Variants in VPS13D observed in about 807,000 individuals in gnomAD.
VPS13D encodes vacuolar protein sorting 13 homolog D, also known as intermembrane lipid transfer protein VPS13D.
VPS13D carries 187 observed loss-of-function variants against 461.9 expected under a neutral mutation model. The ratio of observed to expected loss-of-function variants is 0.40; its 90% CI spans 0.36 to 0.46. VPS13D has a LOEUF of 0.46. Ranked by LOEUF, VPS13D falls within the 20% of genes least tolerant of loss-of-function variation. The probability of loss-of-function intolerance (pLI) is 0.60; values close to 1 mark genes in which losing one functional copy is unlikely to be tolerated. For missense variants in VPS13D, 4,711 were observed against 5,364.9 expected, an observed-to-expected ratio of 0.88 and a Z score of 3.81; for synonymous variants, 1,951 against 1,986.3, an observed-to-expected ratio of 0.98 and a Z score of 0.47.
At chr1:12,275,757 TATTAC>T in intron 18 of VPS13D, 63 bp from the exon 19 acceptor site, 1 of 1,470,444 alleles carries the variant, frequency 6.8e-7, no homozygotes, top group Non-Finnish European at 9.1e-7. Context: ...CTTTCATAAT[TATTAC>T]ATTAAGGGAA....
intron 67 of VPS13D, among the ~76,000 whole-genome samples, chr1:12,471,929 A>C (rs930378942): frequency 1.3e-5 from 2 of 152,120 alleles, no homozygotes; most frequent in African/African-American, 4.8e-5. Flanking sequence ...AAGAAAAAAA[A>C]AATTTTATGT....
At chr1:12,394,730 G>C (rs1225722419) in intron 60 of VPS13D, among the ~76,000 whole-genome samples, 1 of 151,996 alleles carries the variant, frequency 6.6e-6, no homozygotes, top group Non-Finnish European at 1.5e-5. Flanking sequence ...ATCCCTTCCT[G>C]TACGTTAAAC....
intron 55 of VPS13D, among the ~76,000 whole-genome samples, chr1:12,375,405 A>G (rs1644184739): frequency 6.6e-6 from 1 of 152,262 alleles, no homozygotes; most frequent in Non-Finnish European, 1.5e-5. Context: ...GTACATATTT[A>G]TTTCTATGTC....
chr1:12,282,646 C>T, intron 20 of VPS13D, 59 bp from the exon 21 acceptor site: 1 of 1,465,834 alleles, frequency 6.8e-7, no homozygotes, highest in Non-Finnish European at 9.3e-7. Flanking sequence ...CATTTATGGG[C>T]ATTACATCTA....
rs1641890912 is a variant in VPS13D at position 12,284,035 on chromosome 1, C to G, written c.5634+299C>G. Among the ~76,000 whole-genome samples the G allele has an allele frequency of 3.3e-5, 5 of 152,178 alleles. No individual in the cohort carries two copies. In the South Asian group the frequency reaches 1.0e-3, roughly 32 times the overall value. On this transcript the variant is annotated intron_variant, in intron 21 of 69. Transcript: ENST00000620676. ...CCGTAGTTTCCTCATCTTCCATCATCTAAGATGACTAAATGAGGTGATGTG... is the reference window on the plus strand; with the variant it reads ...CCGTAGTTTCCTCATCTTCCATCATGTAAGATGACTAAATGAGGTGATGTG...
intron 50 of VPS13D, among the ~76,000 whole-genome samples, chr1:12,361,547 C>T (rs1029431072): frequency 6.6e-6 from 1 of 150,734 alleles, no homozygotes; most frequent in African/African-American, 2.4e-5. Context: ...AGGCGCCCGC[C>T]ACTACGCCCG....
At chr1:12,418,731 G>A (rs1248523045) in intron 65 of VPS13D, among the ~76,000 whole-genome samples, 1 of 152,204 alleles carries the variant, frequency 6.6e-6, no homozygotes, top group African/African-American at 2.4e-5. Flanking sequence ...GTATTTGCAT[G>A]GAGACTTGAG....
intron 35 of VPS13D, among the ~76,000 whole-genome samples, chr1:12,324,297 A>T (rs1643122425): frequency 6.6e-6 from 1 of 152,222 alleles, no homozygotes; most frequent in Non-Finnish European, 1.5e-5. Context: ...GCCTGAGGTC[A>T]GGAGTTCAAG....
chr1:12,333,557 T>C (rs566274301), intron 38 of VPS13D, among the ~76,000 whole-genome samples, 191 bp downstream of exon 38: 7 of 152,252 alleles, frequency 4.6e-5, no homozygotes, highest in Non-Finnish European at 5.9e-5. Flanking sequence ...TGGCATCCCA[T>C]AATGATGCTA....
chr1:12,325,378 G>A (rs1260445624), intron 35 of VPS13D, among the ~76,000 whole-genome samples: 1 of 152,112 alleles, frequency 6.6e-6, no homozygotes, highest in Admixed American at 6.5e-5. Context: ...TCCTGCCTCA[G>A]CCTTCTGAGT....
chr1:12,253,467 G>A (rs1369702403), intron 6 of VPS13D, among the ~76,000 whole-genome samples: 2 of 152,112 alleles, frequency 1.3e-5, no homozygotes, highest in African/African-American at 4.8e-5. Flanking sequence ...ACGTTTTCTT[G>A]TTTGCTCATA....
At position 12,277,733 on chromosome 1, in the gene VPS13D, A is replaced by C; in HGVS notation, c.4145A>C (p.Glu1382Ala). Residue 1382 changes from glutamate (E) to alanine (A), a missense_variant, in exon 19 of 70, where the codon GAA becomes GCA. By Grantham distance (107) the Glu-to-Ala change is moderately radical (BLOSUM62 -1). This residue lies in a region of VPS13D where 4,411 missense variants were observed against 4,937.8 expected (regional missense o/e 0.89). Transcript: ENST00000620676. The stretch of plus-strand genomic sequence containing the variant: ...AAGCTAATCTTGAACATAAACATTG[A>C]ATCACCAGTTGTTTCTATCCCTCGG... ...TVKLILNINIESPVVSIPRKP... is the reference protein window; with the variant it reads ...TVKLILNINIASPVVSIPRKP... The C allele has an allele frequency of 6.2e-7, 1 of 1,614,192 alleles. No homozygotes were observed. Among genetic ancestry groups the C allele is most frequent in the Non-Finnish European group, 8.5e-7 (1 of 1,180,030 alleles).
At chr1:12,298,525 A>G (rs1468278104) in intron 24 of VPS13D, among the ~76,000 whole-genome samples, 2 of 152,036 alleles carry the variant, frequency 1.3e-5, no homozygotes. Flanking sequence ...CCGTAATCCC[A>G]GCTACTCGGG....
intron 59 of VPS13D, among the ~76,000 whole-genome samples, chr1:12,385,984 G>A (rs777787807): frequency 3.9e-5 from 6 of 152,032 alleles, no homozygotes; most frequent in South Asian, 4.2e-4. Flanking sequence ...TGGGGTGAAG[G>A]GTATGCCTAG....
At chr1:12,346,787 C>A in intron 44 of VPS13D, 135 bp downstream of exon 44, 1 of 844,658 alleles carries the variant, frequency 1.2e-6, no homozygotes, top group Non-Finnish European at 1.7e-6. Flanking sequence ...CTGCCCTTTT[C>A]TATTAATGAT....
At chr1:12,388,986 G>A (rs1644387273) in intron 60 of VPS13D, among the ~76,000 whole-genome samples, 1 of 152,142 alleles carries the variant, frequency 6.6e-6, no homozygotes. Context: ...GAACTAAAAG[G>A]ATATGTATAT....
Position 12,473,892 on chromosome 1 carries a change from C to A in VPS13D, c.12662+13496C>A, listed in dbSNP as rs1259958362. On this transcript the variant is annotated intron_variant, in intron 67 of 69. Transcript: ENST00000620676. The surrounding 1 kb of genome is among the most constrained non-coding windows in gnomAD (Gnocchi z 4.2). Reference sequence around the variant, plus strand: ...GGTTGAGTTGCTGGGTGGAGGGACTCTCCTGGGCTCTGAGCCTTTGTGTGT... The same window carrying A: ...GGTTGAGTTGCTGGGTGGAGGGACTATCCTGGGCTCTGAGCCTTTGTGTGT... 6.6e-6 allele frequency among the ~76,000 whole-genome samples: 1 copy of A among 152,178 alleles called. No individual in the cohort carries two copies. The highest frequency in any genetic ancestry group is 1.9e-4 in the East Asian group (1 of 5,190).
chr1:12,386,631 C>T (rs183024803), intron 60 of VPS13D, among the ~76,000 whole-genome samples: 207 of 152,246 alleles, frequency 1.4e-3, no homozygotes, highest in Non-Finnish European at 2.3e-3. Flanking sequence ...AACCATCATT[C>T]GGAGGGATTG....
In VPS13D at chr1:12,333,334, G is replaced by C; in HGVS notation, c.8396G>C (p.Arg2799Pro). The change falls in exon 38 of 70, where the codon CGT (arginine) becomes CCT (proline). Residue 2799 changes from arginine (R) to proline (P), a missense_variant. This residue lies in a region of VPS13D where 4,411 missense variants were observed against 4,937.8 expected (regional missense o/e 0.89). Coordinates refer to ENST00000620676, the MANE Select transcript of VPS13D (RefSeq NM_015378.4). ...AAGCTAGAAGCCAAGGCCAAACCTC[G>C]TTTGGATATCAATATCACTTCTGTG... ...RLKLEAKAKPRLDINITSVLI... is the reference protein window; with the variant it reads ...RLKLEAKAKPPLDINITSVLI... 1 of 1,614,124 alleles carries C rather than the reference G, an allele frequency of 6.2e-7. No individual in the cohort carries two copies. The highest frequency in any genetic ancestry group is 2.2e-5 in the East Asian group (1 of 44,884).
Sources: gnomAD v4.1 joint callset for allele counts (sites outside exome capture counted in the v4.1 genomes callset) on GRCh38, gnomAD v4.1.1 for gene constraint, gnomAD v4.1.1 regional missense constraint, Gnocchi (gnomAD v3.1) non-coding constraint, MANE v1.5 for transcripts, NCBI Gene and HGNC (gene_info 2026-07-23, HGNC 2026-07-21) for gene names.